Variants in STIMATE observed in about 807,000 individuals in gnomAD.
The protein encoded by STIMATE is store-operated calcium entry regulator STIMATE.
STIMATE carries 15 observed loss-of-function variants against 36.7 expected under a neutral mutation model. The observed-to-expected ratio is 0.41, with a 90% confidence interval of 0.27 to 0.63. The LOEUF (loss-of-function observed/expected upper bound fraction) is 0.63. Among genes scored for constraint, STIMATE ranks in the 20% least tolerant of loss-of-function variants. STIMATE has a pLI of 0.32. For synonymous variants in STIMATE, 163 were observed against 162.3 expected (o/e 1.00, Z -0.03); for missense variants, 305 against 397.3 (o/e 0.77, Z 1.98).
Position 52,880,166 on chromosome 3 carries a change from G to A in STIMATE, c.160+17125C>T, listed in dbSNP as rs140843875. Among the ~76,000 whole-genome samples, 10 of 152,232 alleles carry A rather than the reference G, an allele frequency of 6.6e-5. No homozygotes were observed. The East Asian group carries it at 1.7e-3, about 26-fold the overall frequency. ...CTAGATAAAAGGAGGCTTAGGGCCC[G>A]GGTGGGGCCCTCCAACCTGTCCTCA... is the stretch of plus-strand genomic sequence containing the variant. On this transcript the variant is annotated intron_variant, in intron 1 of 7. Coordinates refer to ENST00000355083, the MANE Select transcript of STIMATE (RefSeq NM_198563.5).
chr3:52,882,898 G>T (rs1248000545), intron 1 of STIMATE, among the ~76,000 whole-genome samples: 1 of 152,150 alleles, frequency 6.6e-6, no homozygotes, highest in Non-Finnish European at 1.5e-5. Flanking sequence ...AACAGGGGAC[G>T]CCGAGAGCAC....
Position 52,836,968 on chromosome 3 carries a change from AACC to A in STIMATE, c.*3523_*3525del, listed in dbSNP as rs1451486246. The A allele has an allele frequency of 1.0e-5, 2 of 190,662 alleles. No individual in the cohort carries two copies. Among genetic ancestry groups the A allele is most frequent in the Non-Finnish European group, 2.2e-5 (2 of 90,432 alleles). The allele number at this position is 190,662 out of a possible 1,614,324, so 11.8% of individuals were successfully genotyped here. ...CAAATTTAAAACAACCCAACCAACC[AACC>A]ACCAACCAACCCAGGAGCTCAAGGT... On this transcript the variant is annotated 3_prime_UTR_variant, in exon 8 of 8. Coordinates refer to ENST00000355083, the MANE Select transcript of STIMATE (RefSeq NM_198563.5).
chr3:52,860,139 A>AG (rs1286793674), intron 1 of STIMATE, among the ~76,000 whole-genome samples: 4 of 139,848 alleles, frequency 2.9e-5, no homozygotes, highest in South Asian at 4.6e-4. Context: ...AAAAAAAAAA[A>AG]CAGAAAAATT....
chr3:52,862,567 CA>C (rs1376993972), intron 1 of STIMATE, among the ~76,000 whole-genome samples: 1 of 152,142 alleles, frequency 6.6e-6, no homozygotes, highest in Non-Finnish European at 1.5e-5. Flanking sequence ...ATATAAAATT[CA>C]AAGAGTATAT....
intron 5 of STIMATE, 58 bp from the exon 6 acceptor site, chr3:52,843,856 G>A: frequency 5.0e-6 from 8 of 1,600,668 alleles, no homozygotes; most frequent in South Asian, 4.4e-5. Context: ...TGTGCCTGGG[G>A]TGGGTGGGTG....
In STIMATE at chr3:52,849,926, G is replaced by A. The variant is rs1281162488; in HGVS notation, c.306-13C>T. 3 of 1,610,974 alleles carry A rather than the reference G, an allele frequency of 1.9e-6. No homozygotes were observed. Among genetic ancestry groups the A allele is most frequent in the Admixed American group, 1.7e-5 (1 of 59,874 alleles). On this transcript the variant is annotated splice_polypyrimidine_tract_variant and intron_variant, in intron 3 of 7. Transcript: ENST00000355083. ...GTTGATGAGGTACCTGTGAGGACAG[G>A]GCACATGCATGGTCACGGCAGAAGC... is the stretch of plus-strand genomic sequence containing the variant.
chr3:52,881,639 T>G (rs1701607346), intron 1 of STIMATE, among the ~76,000 whole-genome samples: 1 of 152,038 alleles, frequency 6.6e-6, no homozygotes, highest in Admixed American at 6.6e-5. Flanking sequence ...GAGGCAGAGC[T>G]TGCAGTGAGC....
At chr3:52,893,786 A>G (rs1405436210) in intron 1 of STIMATE, among the ~76,000 whole-genome samples, 1 of 152,232 alleles carries the variant, frequency 6.6e-6, no homozygotes, top group Admixed American at 6.5e-5. Flanking sequence ...AGATTTATCC[A>G]AGCTCTCAAA....
chr3:52,895,820 G>A (rs1004598382), intron 1 of STIMATE: 2 of 1,179,704 alleles, frequency 1.7e-6, no homozygotes, highest in Non-Finnish European at 2.2e-6. Context: ...TTCCTTCAGA[G>A]AGAAAGGAAG....
intron 4 of STIMATE, chr3:52,847,162 A>T: frequency 1.1e-6 from 1 of 929,144 alleles, no homozygotes; most frequent in Non-Finnish European, 1.3e-6. Flanking sequence ...CTCCCCGCTT[A>T]AGCCTCCCAA....
chr3:52,868,846 C>G (rs994544274), intron 1 of STIMATE, among the ~76,000 whole-genome samples: 13 of 152,118 alleles, frequency 8.5e-5, no homozygotes, highest in Non-Finnish European at 1.8e-4. Flanking sequence ...TCTCGAATTC[C>G]TGACCATAAG....
At chr3:52,866,161 T>G (rs891683822) in intron 1 of STIMATE, among the ~76,000 whole-genome samples, 3 of 152,280 alleles carry the variant, frequency 2.0e-5, no homozygotes. Context: ...CGGCTTATTC[T>G]GTGGCGCCGC....
intron 1 of STIMATE, among the ~76,000 whole-genome samples, chr3:52,892,837 G>A (rs910631764): frequency 2.1e-4 from 32 of 152,282 alleles, no homozygotes; most frequent in African/African-American, 6.7e-4. Context: ...GCCTCCTGGT[G>A]GAATGTACAT....
chr3:52,844,886 G>A lies in STIMATE; in HGVS notation c.483C>T (p.Ile161=). The change falls in exon 5 of 8, where the codon ATC becomes ATT. Residue 161 remains isoleucine, a synonymous_variant. Transcript: ENST00000355083. ...AGACGACAGACTTTTCAAAAATCAT[G>A]ATCACGATGTAAAGAGCGCACTGCC... ...WVGQCALYIV[I]MIFEKSVVFI... The A allele has an allele frequency of 6.2e-7, 1 of 1,614,120 alleles. No homozygotes were observed. The highest frequency in any genetic ancestry group is 8.5e-7 in the Non-Finnish European group (1 of 1,180,028).
rs34298807 is a variant in STIMATE at position 52,859,502 on chromosome 3, C to CAAAA, written c.161-4062_161-4059dup. 6.8e-3 allele frequency among the ~76,000 whole-genome samples: 107 copies of CAAAA among 15,634 alleles called. 10 individuals are homozygous for CAAAA. Among genetic ancestry groups the CAAAA allele is most frequent in the Admixed American group, 0.018 (9 of 496 alleles). 10.3% of individuals were successfully genotyped at this position (15,634 alleles called of 152,430 possible). A position where few individuals can be genotyped will look rare whatever the true frequency, so the allele number is the denominator to read the frequency against. ...AGCAACAAAGCAAGACCCATTTCTC[C>CAAAA]AAAAAAAAAAAAAAAAAAAAAAAAA... On this transcript the variant is annotated intron_variant, in intron 1 of 7. Transcript: ENST00000355083.
At chr3:52,881,801 C>T (rs1701610257) in intron 1 of STIMATE, among the ~76,000 whole-genome samples, 1 of 152,204 alleles carries the variant, frequency 6.6e-6, no homozygotes, top group Non-Finnish European at 1.5e-5. Flanking sequence ...AATTGATAAG[C>T]CCAATAGATA....
chr3:52,840,575 G>A lies in STIMATE; in HGVS notation c.804C>T (p.Ser268=), dbSNP rs1169736002. Residue 268 remains serine (S), a synonymous_variant, in exon 8 of 8, where the codon TCC becomes TCT. Coordinates refer to ENST00000355083, the MANE Select transcript of STIMATE (RefSeq NM_198563.5). The part of the protein sequence containing the change: ...LISADDEMEE[S]DVEEDLRRLT... ...GTCTGCGGAGGTCCTCCTCCACGTCGGACTCCTCCATCTCATCATCCGCTG... is the reference window on the plus strand; with the variant it reads ...GTCTGCGGAGGTCCTCCTCCACGTCAGACTCCTCCATCTCATCATCCGCTG... The A allele has an allele frequency of 2.5e-6, 4 of 1,613,810 alleles. No individual in the cohort carries two copies. The highest frequency in any genetic ancestry group is 2.2e-5 in the South Asian group (2 of 91,080).
chr3:52,894,085 T>C (rs1701825881), intron 1 of STIMATE, among the ~76,000 whole-genome samples: 1 of 151,910 alleles, frequency 6.6e-6, no homozygotes, highest in Non-Finnish European at 1.5e-5. Flanking sequence ...AAACGAGGAA[T>C]TGCTTAAAAC....
chr3:52,881,477 G>A (rs1701604162), intron 1 of STIMATE, among the ~76,000 whole-genome samples: 2 of 152,022 alleles, frequency 1.3e-5, no homozygotes, highest in African/African-American at 2.4e-5. Context: ...GGCCAAGGCG[G>A]GCGGATCATG....
Sources: gnomAD v4.1 joint callset for allele counts (sites outside exome capture counted in the v4.1 genomes callset) on GRCh38, gnomAD v4.1.1 for gene constraint, MANE v1.5 for transcripts, NCBI Gene and HGNC (gene_info 2026-07-23, HGNC 2026-07-21) for gene names.